UBE3B: variants seen among roughly 807,000 people sequenced by gnomAD.
UBE3B encodes ubiquitin protein ligase E3B, also known as ubiquitin-protein ligase E3B.
UBE3B carries 80 observed loss-of-function variants against 132.3 expected under a neutral mutation model. The observed-to-expected ratio is 0.60, with a 90% CI of 0.50 to 0.73. The LOEUF (loss-of-function observed/expected upper bound fraction) is 0.73, where lower values mean the gene tolerates loss of function less well. UBE3B is among the 30% of genes least tolerant of loss of function. The pLI, the probability that UBE3B is intolerant of heterozygous loss-of-function variation, is 0.00. For synonymous variants in UBE3B, 487 were observed against 520.4 expected, an observed-to-expected ratio of 0.94 and a Z score of 0.87; for missense variants, 1,196 against 1,362.5, an observed-to-expected ratio of 0.88 and a Z score of 1.92.
In UBE3B at chr12:109,483,904, A is replaced by G. The variant is rs200964637; in HGVS notation, c.205A>G (p.Thr69Ala). ...TTTTAAAGCAGATGACCCTGAGTCC[A>G]CTAAAAGAAGTGCACTTTGTATTTT... Reference protein sequence around the residue: ...DFFKADDPESTKRSALCIFKI... With the variant: ...DFFKADDPESAKRSALCIFKI... Residue 69 changes from threonine (T) to alanine (A), a missense_variant, in exon 4 of 28, where the codon ACT (threonine) becomes GCT (alanine). Coordinates refer to ENST00000342494, the MANE Select transcript of UBE3B (RefSeq NM_130466.4). 2.0e-5 allele frequency: 33 copies of G among 1,613,996 alleles called. No individual in the cohort carries two copies. Among genetic ancestry groups the G allele is most frequent in the Non-Finnish European group, 2.8e-5 (33 of 1,179,966 alleles).
chr12:109,546,730 G>C, the UBE3B span, among the ~76,000 whole-genome samples: 1 of 152,162 alleles, frequency 6.6e-6, no homozygotes, highest in Non-Finnish European at 1.5e-5. Flanking sequence ...TGTTGTTCTT[G>C]AGACTGAGTC....
intron 12 of UBE3B, among the ~76,000 whole-genome samples, chr12:109,500,959 T>C (rs1054659099): frequency 2.0e-5 from 3 of 152,052 alleles, no homozygotes; most frequent in African/African-American, 7.3e-5. Context: ...GAGTGCAGTG[T>C]GGAGTCAGGC....
At chr12:109,493,714 A>T (rs1877792286) in intron 9 of UBE3B, among the ~76,000 whole-genome samples, 1 of 152,244 alleles carries the variant, frequency 6.6e-6, no homozygotes, top group Admixed American at 6.5e-5. Context: ...GTGGTGTGCC[A>T]AGATGTGATC....
chr12:109,509,721 GA>G lies in UBE3B; in HGVS notation c.1741+11del, dbSNP rs1368388132. 3.2e-6 allele frequency: 5 copies of G among 1,583,856 alleles called. No individual in the cohort carries two copies. Among genetic ancestry groups the G allele is most frequent in the Admixed American group, 3.6e-5 (2 of 55,096 alleles). ...ATCTGGGATGGAATTGTAGGTAAGAGAAAAGGTGTCTGCTGTTGTTTGGTTG... is the reference window on the plus strand; with the variant it reads ...ATCTGGGATGGAATTGTAGGTAAGAGAAAGGTGTCTGCTGTTGTTTGGTTG... On this transcript the variant is annotated splice_region_variant and intron_variant, in intron 16 of 27. Transcript: ENST00000342494.
chr12:109,479,102 C>T (rs1874880026), intron 1 of UBE3B, among the ~76,000 whole-genome samples: 1 of 152,176 alleles, frequency 6.6e-6, no homozygotes, highest in African/African-American at 2.4e-5. Flanking sequence ...CATAGGACTC[C>T]TCTCCTTATT....
At position 109,497,911 on chromosome 12, in the gene UBE3B, A is replaced by C. The variant is rs148011437; in HGVS notation, c.807A>C (p.Thr269=). 1 of 1,614,202 alleles carries C rather than the reference A, an allele frequency of 6.2e-7. No homozygotes were observed. Among genetic ancestry groups the C allele is most frequent in the Non-Finnish European group, 8.5e-7 (1 of 1,180,030 alleles). The change falls in exon 10 of 28, where the codon ACA becomes ACC. Residue 269 remains threonine, a synonymous_variant. Transcript: ENST00000342494. Reference sequence around the variant, plus strand: ...CTGCTCTGGTGACTCATCTCAGCACAGTGACCCCTGAGGTAAGCAGGCTCT... The same window carrying C: ...CTGCTCTGGTGACTCATCTCAGCACCGTGACCCCTGAGGTAAGCAGGCTCT... ...SVPALVTHLS[T]VTPERLTVLE... is the part of the protein sequence containing the mutation.
At chr12:109,523,906 CT>C in intron 21 of UBE3B, 71 bp from the exon 22 acceptor site, 1 of 1,594,960 alleles carries the variant, frequency 6.3e-7, no homozygotes, top group Non-Finnish European at 8.5e-7. Context: ...TGTCTGCACC[CT>C]GAGCCACCCC....
chr12:109,509,223 CAA>C (rs781481928), intron 15 of UBE3B: 90 of 153,744 alleles, frequency 5.9e-4, no homozygotes, highest in Non-Finnish European at 9.4e-4. Flanking sequence ...TATTTTGAAG[CAA>C]ATCCTAGACA....
At position 109,521,137 on chromosome 12, in the gene UBE3B, G is replaced by A. The variant is rs1163872320; in HGVS notation, c.2077-11G>A. The A allele has an allele frequency of 3.1e-6, 5 of 1,613,576 alleles. No homozygotes were observed. The highest frequency in any genetic ancestry group is 4.2e-6 in the Non-Finnish European group (5 of 1,179,698). ...GGGCTTCCTAATGGGCTGTAATTCT[G>A]CTCTTGGCAGGACGGCTACGAGCAG... On this transcript the variant is annotated splice_polypyrimidine_tract_variant and intron_variant, in intron 19 of 27. Transcript: ENST00000342494. The surrounding 1 kb of genome is among the most constrained non-coding windows in gnomAD (Gnocchi z 4.2).
intron 18 of UBE3B, among the ~76,000 whole-genome samples, chr12:109,515,249 T>C (rs1426183080): frequency 6.6e-6 from 1 of 152,036 alleles, no homozygotes; most frequent in Admixed American, 6.5e-5. Context: ...TGGTCATTGC[T>C]TTTTTTGTTA....
downstream of UBE3B, among the ~76,000 whole-genome samples, chr12:109,537,433 T>C (rs1883494007): frequency 6.6e-6 from 1 of 152,184 alleles, no homozygotes. Flanking sequence ...GCTGCTCCCC[T>C]GGCCTGGGAA....
chr12:109,481,135 C>T (rs745569236), intron 1 of UBE3B, among the ~76,000 whole-genome samples: 1 of 151,474 alleles, frequency 6.6e-6, no homozygotes, highest in African/African-American at 2.4e-5. Flanking sequence ...CAAACATGGC[C>T]GGGCACAGTG....
At chr12:109,507,836 A>G in intron 15 of UBE3B, 101 bp downstream of exon 15, 1 of 1,359,284 alleles carries the variant, frequency 7.4e-7, no homozygotes, top group Non-Finnish European at 1.0e-6. Context: ...TACTGCAAAC[A>G]TTTGGACCTG....
In UBE3B at chr12:109,478,366, T is replaced by G. The variant is rs1017400116; in HGVS notation, c.-128+257T>G. ...TTTACTTAGTGATAAATAACTGTTT[T>G]GGATATACATGGATTCAGATTCAAA... On this transcript the variant is annotated intron_variant, in intron 1 of 27. Coordinates refer to ENST00000342494, the MANE Select transcript of UBE3B (RefSeq NM_130466.4). 6.6e-5 allele frequency among the ~76,000 whole-genome samples: 10 copies of G among 152,322 alleles called. No homozygotes were observed. In the East Asian group the frequency reaches 1.3e-3, roughly 21 times the overall value.
At chr12:109,490,027 T>A (rs773111165) in intron 8 of UBE3B, 23 bp downstream of exon 8, 3 of 1,609,518 alleles carry the variant, frequency 1.9e-6, no homozygotes. Flanking sequence ...TGCCCCCCAG[T>A]GTGCAACTTC....
chr12:109,534,375 C>G lies in UBE3B; in HGVS notation c.3016-216C>G, dbSNP rs1883256342. Reference sequence around the variant, plus strand: ...AAAGCTTACTTAGTGCAGGAATTCTCTGTGCAGGCCCCAGGGAGAAGGGGT... The same window carrying G: ...AAAGCTTACTTAGTGCAGGAATTCTGTGTGCAGGCCCCAGGGAGAAGGGGT... On this transcript the variant is annotated intron_variant, in intron 27 of 27. Transcript: ENST00000342494. This position sits in a 1 kb window ranked among gnomAD's most constrained non-coding sequence, Gnocchi z 5.2. 1 of 1,414,440 alleles carries G rather than the reference C, an allele frequency of 7.1e-7. No homozygotes were observed. Among genetic ancestry groups the G allele is most frequent in the Non-Finnish European group, 9.2e-7 (1 of 1,090,764 alleles). The allele number at this position is 1,414,440 out of a possible 1,614,324, so 87.6% of individuals were successfully genotyped here.
At chr12:109,506,075 A>C (rs766425132) in intron 14 of UBE3B, among the ~76,000 whole-genome samples, 64 of 152,168 alleles carry the variant, frequency 4.2e-4, no homozygotes, top group Non-Finnish European at 8.1e-4. Context: ...TCAGGAAACA[A>C]ATTTAGAAAG....
At chr12:109,540,857 G>A (rs1883595781), downstream of UBE3B, among the ~76,000 whole-genome samples, 1 of 152,238 alleles carries the variant, frequency 6.6e-6, no homozygotes, top group South Asian at 2.1e-4. Flanking sequence ...CTGTTGCAAA[G>A]AGCAGAAGCT....
At chr12:109,489,503 T>C (rs2135825709) in intron 7 of UBE3B, among the ~76,000 whole-genome samples, 1 of 152,294 alleles carries the variant, frequency 6.6e-6, no homozygotes, top group East Asian at 1.9e-4. Context: ...ATTTCAGGCA[T>C]GACCCTGGCC....
Sources: allele counts gnomAD v4.1 joint callset (sites outside exome capture counted in the v4.1 genomes callset), GRCh38; gene constraint gnomAD v4.1.1; non-coding constraint Gnocchi (gnomAD v3.1); transcripts MANE v1.5; gene names NCBI Gene and HGNC (gene_info 2026-07-23, HGNC 2026-07-21).